The following DGKB variants were observed in gnomAD, a reference collection of about 807,000 sequenced individuals.
The protein encoded by DGKB is diacylglycerol kinase beta.
Under a neutral mutation model 114.3 loss-of-function variants are expected in DGKB, and 67 were observed. That is an observed-to-expected ratio of 0.59 (90% CI 0.48 to 0.72). DGKB has a LOEUF of 0.72. DGKB is among the 30% of genes least tolerant of loss of function. The pLI is 0.00. For synonymous variants in DGKB, 398 were observed against 323.1 expected (o/e 1.23, Z -2.49); for missense variants, 907 against 975.2 (o/e 0.93, Z 0.93).
At chr7:14,801,010 A>T (rs1842079694) in intron 2 of DGKB, among the ~76,000 whole-genome samples, 1 of 152,224 alleles carries the variant, frequency 6.6e-6, no homozygotes. Context: ...GATCAGCTAT[A>T]GAAACAAGGA....
intron 5 of DGKB, among the ~76,000 whole-genome samples, chr7:14,723,095 A>T (rs1829469228): frequency 1.6e-5 from 2 of 122,598 alleles, no homozygotes; most frequent in Non-Finnish European, 3.6e-5. Context: ...ATTGCAGTTC[A>T]CTACCCTGAA....
chr7:14,754,003 C>A (rs1586236449), intron 3 of DGKB, 55 bp from the exon 4 acceptor site: 1 of 1,160,812 alleles, frequency 8.6e-7, no homozygotes, highest in South Asian at 1.4e-5. Flanking sequence ...ACTTTATACT[C>A]ATTATCTCAT....
At chr7:14,413,863 G>A (rs1207088564) in intron 21 of DGKB, among the ~76,000 whole-genome samples, 2 of 152,080 alleles carry the variant, frequency 1.3e-5, no homozygotes, top group Non-Finnish European at 2.9e-5. Flanking sequence ...AACAACAAAG[G>A]ATATTCACCA....
At chr7:14,453,467 A>T (rs1286604927) in intron 21 of DGKB, among the ~76,000 whole-genome samples, 1 of 152,172 alleles carries the variant, frequency 6.6e-6, no homozygotes, top group Non-Finnish European at 1.5e-5. Flanking sequence ...CACTTTGCAG[A>T]GAATCTCAGT....
Position 14,145,593 on chromosome 7 carries a change from G to A in DGKB, c.*3538C>T, listed in dbSNP as rs1781395537. 1 of 152,062 alleles carries A rather than the reference G, an allele frequency of 6.6e-6. No homozygotes were observed. Among genetic ancestry groups the A allele is most frequent in the South Asian group, 2.1e-4 (1 of 4,820 alleles). The allele number at this position is 152,062 out of a possible 1,614,324, so 9.4% of individuals were successfully genotyped here. A position where few individuals can be genotyped will look rare whatever the true frequency, so the allele number is the denominator to read the frequency against. ...TCTGCCTCAGCCTCCCGAGTAGCTG[G>A]GATTACAGGCATGTGCCACCATGCC... On this transcript the variant is annotated 3_prime_UTR_variant, in exon 26 of 26. Transcript: ENST00000402815.
At chr7:14,303,494 A>G (rs984491891) in intron 23 of DGKB, among the ~76,000 whole-genome samples, 2 of 152,034 alleles carry the variant, frequency 1.3e-5, no homozygotes, top group African/African-American at 4.8e-5. Context: ...AAAATTAAAT[A>G]ACTTACCTGC....
At chr7:14,533,512 T>TA (rs1308412234) in intron 20 of DGKB, among the ~76,000 whole-genome samples, 3 of 151,658 alleles carry the variant, frequency 2.0e-5, no homozygotes, top group African/African-American at 7.2e-5. Context: ...AGTTATTATT[T>TA]AAAAAAATAA....
chr7:14,683,567 T>A (rs2128972289), intron 10 of DGKB, among the ~76,000 whole-genome samples: 1 of 152,058 alleles, frequency 6.6e-6, no homozygotes, highest in East Asian at 1.9e-4. Flanking sequence ...ATGGTTTGAG[T>A]CTGAATATGA....
At chr7:14,679,567 C>G (rs903307698) in intron 12 of DGKB, among the ~76,000 whole-genome samples, 3 of 152,034 alleles carry the variant, frequency 2.0e-5, no homozygotes, top group Admixed American at 6.6e-5. Flanking sequence ...CTTTCTGTTT[C>G]TCTCTACAAT....
chr7:14,278,629 G>T (rs551675238), intron 23 of DGKB, among the ~76,000 whole-genome samples: 1 of 152,032 alleles, frequency 6.6e-6, no homozygotes, highest in East Asian at 1.9e-4. Flanking sequence ...ACAAAAAGTA[G>T]ACAAATGGGA....
At position 14,841,284 on chromosome 7, in the gene DGKB, T is replaced by C. The variant is rs761743978; in HGVS notation, c.-21A>G. On this transcript the variant is annotated 5_prime_UTR_variant, in exon 2 of 26. The change abolishes the stop of an existing upstream ORF in the 5' untranslated region. Transcript: ENST00000402815. Reference sequence around the variant, plus strand: ...GTCATGGTGGTGGTGAGAAGCTCTGTCACATACCAGGTAAAAGATTCTTTA... The same window carrying C: ...GTCATGGTGGTGGTGAGAAGCTCTGCCACATACCAGGTAAAAGATTCTTTA... 3 of 1,610,326 alleles carry C rather than the reference T, an allele frequency of 1.9e-6. No individual in the cohort carries two copies. Among genetic ancestry groups the C allele is most frequent in the Non-Finnish European group, 2.5e-6 (3 of 1,177,344 alleles).
intron 21 of DGKB, among the ~76,000 whole-genome samples, chr7:14,351,929 C>G (rs1813516384): frequency 6.6e-6 from 1 of 151,916 alleles, no homozygotes; most frequent in Admixed American, 6.6e-5. Context: ...ATAATGTTGA[C>G]AACATTATTT....
At chr7:14,149,873 CTT>C (rs1022926131) in intron 25 of DGKB, among the ~76,000 whole-genome samples, 2 of 152,112 alleles carry the variant, frequency 1.3e-5, no homozygotes, top group Non-Finnish European at 2.9e-5. Context: ...GCTTAAAACA[CTT>C]TGAGAGACTG....
At chr7:14,208,828 C>T (rs533269933) in intron 23 of DGKB, among the ~76,000 whole-genome samples, 20 of 151,508 alleles carry the variant, frequency 1.3e-4, no homozygotes, top group African/African-American at 4.6e-4. Context: ...TATATGAGTG[C>T]TCCAAGAGTT....
At chr7:14,488,316 T>C (rs1203835142) in intron 20 of DGKB, among the ~76,000 whole-genome samples, 1 of 152,174 alleles carries the variant, frequency 6.6e-6, no homozygotes, top group Non-Finnish European at 1.5e-5. Flanking sequence ...AGAAAACGTC[T>C]GTAATGGTCT....
chr7:14,505,509 G>C (rs937757973), intron 20 of DGKB, among the ~76,000 whole-genome samples: 9 of 151,654 alleles, frequency 5.9e-5, no homozygotes, highest in Non-Finnish European at 1.3e-4. Context: ...CCCACTCATT[G>C]TCATTACAGA....
intron 23 of DGKB, among the ~76,000 whole-genome samples, chr7:14,279,906 G>A (rs987944414): frequency 1.4e-4 from 21 of 151,750 alleles, no homozygotes; most frequent in African/African-American, 4.8e-4. Context: ...ACAAAGATGG[G>A]GAAAAAAACA....
chr7:14,866,322 T>C (rs1295240845), intron 1 of DGKB, among the ~76,000 whole-genome samples: 1 of 152,162 alleles, frequency 6.6e-6, no homozygotes, highest in Non-Finnish European at 1.5e-5. Flanking sequence ...TCTATGGGTT[T>C]GGACAAATGT....
chr7:14,557,095 C>A (rs894428179), intron 20 of DGKB, among the ~76,000 whole-genome samples: 1 of 152,136 alleles, frequency 6.6e-6, no homozygotes, highest in African/African-American at 2.4e-5. Flanking sequence ...CAATCTCAGA[C>A]CTACCAAACA....
Sources: allele counts gnomAD v4.1 joint callset (sites outside exome capture counted in the v4.1 genomes callset), GRCh38; gene constraint gnomAD v4.1.1; transcripts MANE v1.5; gene names NCBI Gene and HGNC (gene_info 2026-07-23, HGNC 2026-07-21).